TMCO5A: variants seen among roughly 807,000 people sequenced by gnomAD.
The protein encoded by TMCO5A is transmembrane and coiled-coil domain-containing protein 5A.
Under a neutral mutation model 42.3 loss-of-function variants are expected in TMCO5A, and 34 were observed. That is an observed-to-expected ratio of 0.80 (90% CI 0.61 to 1.07). The LOEUF (loss-of-function observed/expected upper bound fraction) is 1.07, where lower values mean the gene tolerates loss of function less well. Among genes scored for constraint, TMCO5A ranks in the 50% least tolerant of loss-of-function variants. The probability of loss-of-function intolerance (pLI) is 0.00; values close to 1 mark genes in which losing one functional copy is unlikely to be tolerated. For missense variants in TMCO5A, 357 were observed against 327.9 expected, an observed-to-expected ratio of 1.09 and a Z score of -0.69; for synonymous variants, 131 against 115.6, an observed-to-expected ratio of 1.13 and a Z score of -0.86.
chr15:38,038,326 A>G, the TMCO5A span, among the ~76,000 whole-genome samples: 1 of 152,164 alleles, frequency 6.6e-6, no homozygotes, highest in Non-Finnish European at 1.5e-5. Context: ...AAGGGGAACC[A>G]CAGTTGATTC....
At chr15:37,975,113 T>C in the TMCO5A span, among the ~76,000 whole-genome samples, 4 of 152,202 alleles carry the variant, frequency 2.6e-5, no homozygotes, top group Admixed American at 6.5e-5. Flanking sequence ...GTGTGTTTGG[T>C]ATAATTTGGG....
intron 4 of TMCO5A, 39 bp downstream of exon 4, chr15:37,937,009 A>T: frequency 6.2e-7 from 1 of 1,608,170 alleles, no homozygotes; most frequent in East Asian, 2.2e-5. Context: ...AATAGGTTGC[A>T]TTCCTCATTC....
At chr15:37,941,088 G>C in intron 6 of TMCO5A, 61 bp from the exon 7 acceptor site, 1 of 1,535,290 alleles carries the variant, frequency 6.5e-7, no homozygotes, top group Non-Finnish European at 9.0e-7. Context: ...CTTGGTGACA[G>C]CATTCCATTC....
the TMCO5A span, among the ~76,000 whole-genome samples, chr15:38,000,796 G>A: frequency 6.6e-6 from 1 of 152,098 alleles, no homozygotes; most frequent in Middle Eastern, 3.4e-3. Context: ...CTGTTTACCA[G>A]TGTTTGTACA....
chr15:38,030,984 C>T, the TMCO5A span, among the ~76,000 whole-genome samples: 1 of 152,192 alleles, frequency 6.6e-6, no homozygotes, highest in African/African-American at 2.4e-5. Flanking sequence ...GGACAGTAAG[C>T]ACCAGAAGGT....
At chr15:37,999,607 A>G in the TMCO5A span, among the ~76,000 whole-genome samples, 1 of 152,320 alleles carries the variant, frequency 6.6e-6, no homozygotes, top group East Asian at 1.9e-4. Flanking sequence ...GTCATGTTCC[A>G]GGTCTTAGAG....
chr15:37,961,833 C>G (rs929247759), intron 11 of TMCO5A, among the ~76,000 whole-genome samples: 20 of 151,776 alleles, frequency 1.3e-4, no homozygotes, highest in African/African-American at 4.8e-4. Context: ...TCATTCTCCA[C>G]TTGGTCACTC....
the TMCO5A span, among the ~76,000 whole-genome samples, chr15:38,006,211 C>G: frequency 6.6e-6 from 1 of 152,146 alleles, no homozygotes. Context: ...GGCCTAGAGC[C>G]TTTATTGTGT....
downstream of TMCO5A, among the ~76,000 whole-genome samples, chr15:37,969,922 A>G (rs566291256): frequency 3.5e-4 from 53 of 152,274 alleles, no homozygotes; most frequent in African/African-American, 1.2e-3. Context: ...CCTGTCTACC[A>G]TTGATGGGCA....
chr15:38,005,701 T>C, the TMCO5A span, among the ~76,000 whole-genome samples: 1 of 152,178 alleles, frequency 6.6e-6, no homozygotes, highest in Non-Finnish European at 1.5e-5. Context: ...TTTAGAGCAG[T>C]GTGAGGAAAA....
At chr15:37,950,741 T>C (rs1890127604) in intron 11 of TMCO5A, among the ~76,000 whole-genome samples, 1 of 152,110 alleles carries the variant, frequency 6.6e-6, no homozygotes, top group South Asian at 2.1e-4. Context: ...AATGAAACTG[T>C]TTTGAAAAAC....
At chr15:37,969,690 GT>G (rs1890637773), downstream of TMCO5A, among the ~76,000 whole-genome samples, 1 of 152,136 alleles carries the variant, frequency 6.6e-6, no homozygotes, top group South Asian at 2.1e-4. Context: ...GTGGTTTTCA[GT>G]TCCTCTCCCT....
the TMCO5A span, among the ~76,000 whole-genome samples, chr15:37,972,950 T>G: frequency 6.6e-6 from 1 of 152,334 alleles, no homozygotes; most frequent in South Asian, 2.1e-4. Context: ...CATTGATTTT[T>G]GTATATGGTG....
the TMCO5A span, among the ~76,000 whole-genome samples, chr15:38,017,849 T>A: frequency 6.6e-6 from 1 of 152,132 alleles, no homozygotes; most frequent in Non-Finnish European, 1.5e-5. Flanking sequence ...GGTGATTGAA[T>A]CATGAGAGTG....
At chr15:37,969,376 A>T (rs977030715), downstream of TMCO5A, among the ~76,000 whole-genome samples, 2 of 152,200 alleles carry the variant, frequency 1.3e-5, no homozygotes, top group Non-Finnish European at 2.9e-5. Flanking sequence ...GGCCTCAGAG[A>T]AAACCAAACC....
At chr15:37,940,895 A>G (rs1269801521) in intron 6 of TMCO5A, among the ~76,000 whole-genome samples, 1 of 152,138 alleles carries the variant, frequency 6.6e-6, no homozygotes, top group East Asian at 1.9e-4. Context: ...ATGGCTAAGT[A>G]AGAGTAGGAA....
the TMCO5A span, among the ~76,000 whole-genome samples, chr15:37,980,572 T>C: frequency 6.8e-6 from 1 of 147,360 alleles, no homozygotes; most frequent in African/African-American, 2.5e-5. Context: ...ATTCGCCTTA[T>C]TCGCCACTCT....
downstream of TMCO5A, among the ~76,000 whole-genome samples, chr15:37,971,741 G>T (rs1026387391): frequency 1.6e-4 from 25 of 152,026 alleles, no homozygotes; most frequent in African/African-American, 5.8e-4. Flanking sequence ...AAATCTCTAG[G>T]GCAGGGGCAA....
the TMCO5A span, among the ~76,000 whole-genome samples, chr15:38,034,249 C>T: frequency 6.6e-6 from 1 of 152,156 alleles, no homozygotes; most frequent in African/African-American, 2.4e-5. Flanking sequence ...AAAGACCCCA[C>T]CTCTTAATAT....
Sources: allele counts gnomAD v4.1 joint callset (sites outside exome capture counted in the v4.1 genomes callset), GRCh38; gene constraint gnomAD v4.1.1; transcripts MANE v1.5; gene names NCBI Gene and HGNC (gene_info 2026-07-23, HGNC 2026-07-21).